The following GRM7 variants were observed in gnomAD, a reference collection of about 807,000 sequenced individuals.
GRM7 encodes the protein glutamate metabotropic receptor 7, also known as metabotropic glutamate receptor 7.
Under a neutral mutation model 84.5 loss-of-function variants are expected in GRM7, and 35 were observed. The observed-to-expected ratio is 0.41, with a 90% confidence interval of 0.32 to 0.55. The LOEUF (loss-of-function observed/expected upper bound fraction) is 0.55, where lower values mean the gene tolerates loss of function less well. Among genes scored for constraint, GRM7 ranks in the 20% least tolerant of loss-of-function variants. The probability of loss-of-function intolerance (pLI) is 0.19; values close to 1 mark genes in which losing one functional copy is unlikely to be tolerated. For synonymous variants in GRM7, 487 were observed against 455.1 expected, an observed-to-expected ratio of 1.07 and a Z score of -0.89; for missense variants, 1,003 against 1,194.6, an observed-to-expected ratio of 0.84 and a Z score of 2.36.
intron 5 of GRM7, among the ~76,000 whole-genome samples, chr3:7,434,982 A>G (rs983197147): frequency 1.8e-4 from 27 of 152,194 alleles, no homozygotes; most frequent in African/African-American, 6.3e-4. Flanking sequence ...TAACATATAC[A>G]AGGACATTCA....
intron 4 of GRM7, among the ~76,000 whole-genome samples, chr3:7,323,254 A>G (rs1376019846): frequency 2.0e-5 from 3 of 152,152 alleles, no homozygotes; most frequent in Non-Finnish European, 4.4e-5. Flanking sequence ...TTAGCAGCCT[A>G]TCCCACATAG....
chr3:7,700,454 T>C (rs1423231519), intron 9 of GRM7, among the ~76,000 whole-genome samples: 1 of 152,188 alleles, frequency 6.6e-6, no homozygotes, highest in South Asian at 2.1e-4. Context: ...AGTGCCTCAG[T>C]CTAGATCGGT....
chr3:7,578,716 G>T lies in GRM7; in HGVS notation c.1810G>T (p.Ala604Ser), dbSNP rs1287105366. 1 of 1,613,958 alleles carries T rather than the reference G, an allele frequency of 6.2e-7. No individual in the cohort carries two copies. Among genetic ancestry groups the T allele is most frequent in the Non-Finnish European group, 8.5e-7 (1 of 1,180,012 alleles). Residue 604 changes from alanine (A) to serine (S), a missense_variant, in exon 8 of 10, where the codon GCC becomes TCC. Around this residue, in one of 2 missense-constraint regions of GRM7, gnomAD observed 910 missense variants for 1,126.0 expected, o/e 0.81. Coordinates refer to ENST00000357716, the MANE Select transcript of GRM7 (RefSeq NM_000844.4). ...PVFLAMLGII[A>S]TIFVMATFIR... ...CTTCCTGGCAATGTTGGGGATCATT[G>T]CCACCATCTTTGTCATGGCCACTTT...
chr3:7,587,016 T>G (rs1165333960), intron 8 of GRM7, among the ~76,000 whole-genome samples: 1 of 152,188 alleles, frequency 6.6e-6, no homozygotes, highest in Non-Finnish European at 1.5e-5. Context: ...CAACGAGGCA[T>G]GAGAAAATTT....
chr3:7,657,879 A>G (rs954058611), intron 8 of GRM7, among the ~76,000 whole-genome samples: 2 of 152,130 alleles, frequency 1.3e-5, no homozygotes, highest in African/African-American at 2.4e-5. Context: ...CAATATACTG[A>G]CCAGGCTGGC....
chr3:6,894,789 A>C (rs1352469663), intron 1 of GRM7, among the ~76,000 whole-genome samples: 1 of 152,190 alleles, frequency 6.6e-6, no homozygotes, highest in Non-Finnish European at 1.5e-5. Flanking sequence ...ATGGAAAAGC[A>C]TTCATCTGGA....
At chr3:6,944,106 T>A (rs532689793) in intron 1 of GRM7, among the ~76,000 whole-genome samples, 1 of 152,080 alleles carries the variant, frequency 6.6e-6, no homozygotes, top group Non-Finnish European at 1.5e-5. Context: ...TCTATATATG[T>A]GACCATACCG....
chr3:7,018,153 ATTAC>A (rs1173830467), intron 1 of GRM7, among the ~76,000 whole-genome samples: 8 of 152,246 alleles, frequency 5.3e-5, no homozygotes, highest in African/African-American at 1.7e-4. Flanking sequence ...ATATCCTTAT[ATTAC>A]TTTAACATGT....
Position 7,693,793 on chromosome 3 carries a change from T to G in GRM7, c.2698+13498T>G, listed in dbSNP as rs377071447. The G allele has an allele frequency of 1.0e-5, 7 of 678,462 alleles. No homozygotes were observed. The Admixed American group carries it at 1.5e-4, about 15-fold the overall frequency. The allele number at this position is 678,462 out of a possible 1,614,324, so 42.0% of individuals were successfully genotyped here. ...AGAGACCTTATCCTGTTTGCATGAGTTTAGTCGGGGGTAGTTCTCATCACA... is the reference window on the plus strand; with the variant it reads ...AGAGACCTTATCCTGTTTGCATGAGGTTAGTCGGGGGTAGTTCTCATCACA... On this transcript the variant is annotated intron_variant, in intron 9 of 9. Transcript: ENST00000357716.
intron 1 of GRM7, among the ~76,000 whole-genome samples, chr3:7,062,253 G>A (rs2124970982): frequency 6.6e-6 from 1 of 151,686 alleles, no homozygotes; most frequent in Non-Finnish European, 1.5e-5. Flanking sequence ...GAGATGAGTA[G>A]TGAATGGAAC....
intron 4 of GRM7, among the ~76,000 whole-genome samples, chr3:7,395,992 G>T (rs1277763871): frequency 6.6e-6 from 1 of 152,058 alleles, no homozygotes; most frequent in Non-Finnish European, 1.5e-5. Flanking sequence ...TATATTACAT[G>T]TATCAAAACA....
At chr3:7,530,283 A>G (rs189677444) in intron 7 of GRM7, among the ~76,000 whole-genome samples, 38 of 152,114 alleles carry the variant, frequency 2.5e-4, no homozygotes, top group African/African-American at 8.7e-4. Context: ...TATCCTTTTT[A>G]TGGCTGCATA....
chr3:7,289,657 A>C (rs1356207196), intron 2 of GRM7, among the ~76,000 whole-genome samples: 1 of 152,210 alleles, frequency 6.6e-6, no homozygotes, highest in East Asian at 1.9e-4. Flanking sequence ...GCACATATAC[A>C]CCATGGAATA....
chr3:7,691,522 G>GCTAAT (rs1700799310), intron 9 of GRM7, among the ~76,000 whole-genome samples: 1 of 152,142 alleles, frequency 6.6e-6, no homozygotes, highest in South Asian at 2.1e-4. Context: ...ATGGAAATAA[G>GCTAAT]CTAATCTTGA....
At chr3:6,984,072 T>C (rs1465407260) in intron 1 of GRM7, among the ~76,000 whole-genome samples, 3 of 152,180 alleles carry the variant, frequency 2.0e-5, no homozygotes, top group Non-Finnish European at 2.9e-5. Context: ...GCTCACATAC[T>C]CAAAAACATT....
intron 1 of GRM7, among the ~76,000 whole-genome samples, chr3:6,945,643 C>T (rs1461939208): frequency 6.6e-5 from 10 of 152,298 alleles, no homozygotes; most frequent in Non-Finnish European, 1.2e-4. Context: ...GCCACACCGA[C>T]TTCCACAATG....
At chr3:7,404,357 CT>C in intron 4 of GRM7, among the ~76,000 whole-genome samples, 1 of 152,254 alleles carries the variant, frequency 6.6e-6, no homozygotes, top group Non-Finnish European at 1.5e-5. Context: ...CTGGTAGATT[CT>C]TGGTGATTGG....
At chr3:7,713,090 T>TA (rs2125166816) in intron 9 of GRM7, among the ~76,000 whole-genome samples, 1 of 150,870 alleles carries the variant, frequency 6.6e-6, no homozygotes, top group East Asian at 1.9e-4. Context: ...AATAAGGTCA[T>TA]ATTCACAGAT....
At chr3:7,233,578 G>C (rs1458425763) in intron 2 of GRM7, among the ~76,000 whole-genome samples, 1 of 152,070 alleles carries the variant, frequency 6.6e-6, no homozygotes, top group Non-Finnish European at 1.5e-5. Context: ...TATTTTGAAA[G>C]ACTATATGGG....
Sources: gnomAD v4.1 joint callset for allele counts (sites outside exome capture counted in the v4.1 genomes callset) on GRCh38, gnomAD v4.1.1 for gene constraint, gnomAD v4.1.1 regional missense constraint, MANE v1.5 for transcripts, NCBI Gene and HGNC (gene_info 2026-07-23, HGNC 2026-07-21) for gene names.